Variants in ABAT observed in about 807,000 individuals in gnomAD.
The protein encoded by ABAT is 4-aminobutyrate aminotransferase, mitochondrial.
ABAT carries 45 observed loss-of-function variants against 64.6 expected under a neutral mutation model. The ratio of observed to expected loss-of-function variants is 0.70; its 90% CI spans 0.55 to 0.89. The LOEUF is 0.89. Among genes scored for constraint, ABAT ranks in the 40% least tolerant of loss-of-function variants. The probability of loss-of-function intolerance (pLI) is 0.00; values close to 1 mark genes in which losing one functional copy is unlikely to be tolerated. For missense variants in ABAT, 633 were observed against 658.4 expected (o/e 0.96, Z 0.42); for synonymous variants, 297 against 250.5 (o/e 1.19, Z -1.75).
chr16:8,676,293 C>G (rs1335713644), intron 1 of ABAT, among the ~76,000 whole-genome samples: 2 of 152,084 alleles, frequency 1.3e-5, no homozygotes, highest in Non-Finnish European at 2.9e-5. Flanking sequence ...CACAGAGGCA[C>G]AAAAGGGGAA....
intron 1 of ABAT, among the ~76,000 whole-genome samples, chr16:8,712,200 C>T (rs2058092983): frequency 6.6e-6 from 1 of 152,026 alleles, no homozygotes; most frequent in South Asian, 2.1e-4. Context: ...CACTGCACTC[C>T]AGCCTGGATG....
chr16:8,709,753 T>C (rs2058028059), intron 1 of ABAT, among the ~76,000 whole-genome samples: 1 of 152,018 alleles, frequency 6.6e-6, no homozygotes, highest in South Asian at 2.1e-4. Context: ...AAGCGTGGAC[T>C]TGGCAATCAG....
chr16:8,749,236 C>T lies in ABAT; in HGVS notation c.198+1099C>T, dbSNP rs530853643. Among the ~76,000 whole-genome samples the T allele has an allele frequency of 5.3e-5, 8 of 151,388 alleles. No individual in the cohort carries two copies. In the South Asian group the frequency reaches 8.4e-4, roughly 16 times the overall value. ...TCAAGTCACTGAGATTACAGGCACC[C>T]GCCTCCACACCCAGCTAATTTTTTT... On this transcript the variant is annotated intron_variant, in intron 4 of 15. Transcript: ENST00000268251.
intron 1 of ABAT, among the ~76,000 whole-genome samples, chr16:8,691,600 C>T (rs1014759355): frequency 2.0e-5 from 3 of 152,132 alleles, no homozygotes; most frequent in African/African-American, 4.8e-5. Flanking sequence ...CCACCACACT[C>T]GGCAACATTT....
chr16:8,727,166 T>A (rs1393384134), intron 1 of ABAT, among the ~76,000 whole-genome samples: 2 of 152,144 alleles, frequency 1.3e-5, no homozygotes, highest in Non-Finnish European at 2.9e-5. Context: ...GTTGGTTGTA[T>A]CCTTTGCTGG....
In ABAT at chr16:8,748,038, A is replaced by T. The variant is rs368721800; in HGVS notation, c.169-70A>T. ...AAAAAATGCCAAGACTTGGGAAAAC[A>T]TGAAAGATTTTAAGCTATTTTGGCA... is the stretch of plus-strand genomic sequence containing the variant. On this transcript the variant is annotated intron_variant, in intron 3 of 15. Coordinates refer to ENST00000268251, the MANE Select transcript of ABAT (RefSeq NM_020686.6). 1.7e-3 allele frequency: 2,579 copies of T among 1,478,564 alleles called. 9 individuals carry two copies. The highest frequency in any genetic ancestry group is 2.3e-3 in the Non-Finnish European group (2,458 of 1,062,278). The allele number at this position is 1,478,564 out of a possible 1,614,324, so 91.6% of individuals were successfully genotyped here. A position where few individuals can be genotyped will look rare whatever the true frequency, so the allele number is the denominator to read the frequency against.
chr16:8,747,969 A>C, intron 3 of ABAT, 139 bp from the exon 4 acceptor site: 1 of 733,774 alleles, frequency 1.4e-6, no homozygotes, highest in African/African-American at 1.8e-5. Flanking sequence ...GTAATTTTAA[A>C]GTAATATGGT....
intron 8 of ABAT, 193 bp from the exon 9 acceptor site, chr16:8,766,015 T>A (rs1299028562): frequency 1.0e-5 from 6 of 593,260 alleles, no homozygotes; most frequent in African/African-American, 7.4e-5. Flanking sequence ...GCATTATGTG[T>A]GTTAGTTTCT....
intron 1 of ABAT, among the ~76,000 whole-genome samples, chr16:8,706,230 T>TAA (rs1310580141): frequency 3.1e-4 from 43 of 137,128 alleles, no homozygotes; most frequent in Non-Finnish European, 4.0e-4. Flanking sequence ...TCTGTCTCTA[T>TAA]AAAAAAAAAT....
At chr16:8,729,099 G>A (rs1024650905) in intron 1 of ABAT, among the ~76,000 whole-genome samples, 1 of 151,550 alleles carries the variant, frequency 6.6e-6, no homozygotes, top group Non-Finnish European at 1.5e-5. Context: ...TTGAGCTCAG[G>A]AGTTCAAGAC....
Position 8,764,601 on chromosome 16 carries a change from A to T in ABAT, c.448-137A>T. ...TGGAAAAGCCTGAGCCCACCCTCCC[A>T]GTCCGACACCTTCCAGGACAGCCCT... On this transcript the variant is annotated intron_variant, in intron 7 of 15. Transcript: ENST00000268251. The surrounding 1 kb of genome is among the most constrained non-coding windows in gnomAD (Gnocchi z 4.2). 1 of 847,260 alleles carries T rather than the reference A, an allele frequency of 1.2e-6. No individual in the cohort carries two copies. The highest frequency in any genetic ancestry group is 2.0e-6 in the Non-Finnish European group (1 of 512,632). The allele number at this position is 847,260 out of a possible 1,614,324, so 52.5% of individuals were successfully genotyped here. A position where few individuals can be genotyped will look rare whatever the true frequency, so the allele number is the denominator to read the frequency against.
chr16:8,772,858 G>A lies in ABAT; in HGVS notation c.895G>A (p.Gly299Ser), dbSNP rs765783328. 3 of 1,614,074 alleles carry A rather than the reference G, an allele frequency of 1.9e-6. No homozygotes were observed. Among genetic ancestry groups the A allele is most frequent in the Non-Finnish European group, 2.5e-6 (3 of 1,180,020 alleles). ...GIIVEPIQSEGGDNHASDDFF... is the reference protein window; with the variant it reads ...GIIVEPIQSESGDNHASDDFF... ...CATCGTGGAGCCCATCCAGTCCGAGGGTGGAGACAACCACGCATCCGATGA... is the reference window on the plus strand; with the variant it reads ...CATCGTGGAGCCCATCCAGTCCGAGAGTGGAGACAACCACGCATCCGATGA... Residue 299 changes from glycine (G) to serine (S), a missense_variant, in exon 12 of 16, where the codon GGT (glycine) becomes AGT (serine). Transcript: ENST00000268251.
chr16:8,717,465 T>C (rs1271152942), intron 1 of ABAT, among the ~76,000 whole-genome samples: 1 of 152,226 alleles, frequency 6.6e-6, no homozygotes, highest in African/African-American at 2.4e-5. Context: ...TGTGTTATAT[T>C]TCTTTTGGGC....
Position 8,768,823 on chromosome 16 carries a change from A to G in ABAT, c.668-2A>G, listed in dbSNP as rs368460023. 1 of 1,614,044 alleles carries G rather than the reference A, an allele frequency of 6.2e-7. No homozygotes were observed. The highest frequency in any genetic ancestry group is 1.3e-5 in the African/African-American group (1 of 74,924). ...TCTGCTTTTCTGTTTTGCTGAACTCAGGTTGCTTAGCGACCACGCACTCTA... is the reference window on the plus strand; with the variant it reads ...TCTGCTTTTCTGTTTTGCTGAACTCGGGTTGCTTAGCGACCACGCACTCTA... On this transcript the variant is annotated splice_acceptor_variant, in intron 10 of 15. Transcript: ENST00000268251. LOFTEE classifies it high-confidence loss of function.
chr16:8,722,935 G>A, intron 1 of ABAT: 2 of 1,176,170 alleles, frequency 1.7e-6, no homozygotes, highest in South Asian at 2.6e-5. Context: ...AGTCCGAACG[G>A]GCCTTAGAAA....
chr16:8,699,354 G>C (rs773465677), intron 1 of ABAT, among the ~76,000 whole-genome samples: 7 of 151,844 alleles, frequency 4.6e-5, no homozygotes, highest in Non-Finnish European at 1.0e-4. Context: ...ATCACCTAAG[G>C]TCAGGAGTTC....
chr16:8,699,602 C>A (rs1296673526), intron 1 of ABAT, among the ~76,000 whole-genome samples: 3 of 152,120 alleles, frequency 2.0e-5, no homozygotes, highest in Non-Finnish European at 4.4e-5. Flanking sequence ...CACTCTGTCA[C>A]CCAGGCTGGA....
Position 8,742,073 on chromosome 16 carries a change from C to T in ABAT, c.71-3928C>T, listed in dbSNP as rs1473542723. ...ACATGATAGGAGCTGATACAGTTCT[C>T]GGAACAGACCCATCTGCCTTGGACC... On this transcript the variant is annotated intron_variant, in intron 2 of 15. Coordinates refer to ENST00000268251, the MANE Select transcript of ABAT (RefSeq NM_020686.6). 3.3e-5 allele frequency among the ~76,000 whole-genome samples: 5 copies of T among 152,198 alleles called. No homozygotes were observed. The East Asian group carries it at 7.7e-4, about 23-fold the overall frequency.
rs148473989 is a variant in ABAT, at chr16:8,708,094, T to C, written c.-41-27605T>C. On this transcript the variant is annotated intron_variant, in intron 1 of 15. Transcript: ENST00000268251. Reference sequence around the variant, plus strand: ...GAGTGAAGTCCGTCTTGTGTTCCTATGGGTAGCTGCTCTGGAGGGTGGAAG... The same window carrying C: ...GAGTGAAGTCCGTCTTGTGTTCCTACGGGTAGCTGCTCTGGAGGGTGGAAG... Among the ~76,000 whole-genome samples, 523 of 152,344 alleles carry C rather than the reference T, an allele frequency of 3.4e-3. 5 individuals are homozygous for C. Among genetic ancestry groups the C allele is most frequent in the African/African-American group, 0.012 (490 of 41,584 alleles).
Sources: allele counts gnomAD v4.1 joint callset (sites outside exome capture counted in the v4.1 genomes callset), GRCh38; gene constraint gnomAD v4.1.1; non-coding constraint Gnocchi (gnomAD v3.1); transcripts MANE v1.5; gene names NCBI Gene and HGNC (gene_info 2026-07-23, HGNC 2026-07-21).